CCDC88B: variants seen among roughly 807,000 people sequenced by gnomAD.
CCDC88B encodes the protein coiled-coil and HOOK domain protein 88B.
CCDC88B carries 138 observed loss-of-function variants against 183.7 expected under a neutral mutation model. The observed-to-expected ratio is 0.75, with a 90% CI of 0.65 to 0.87. CCDC88B has a LOEUF of 0.87. Among genes scored for constraint, CCDC88B ranks in the 40% least tolerant of loss-of-function variants. The pLI is 0.00. For missense variants in CCDC88B, 1,822 were observed against 1,965.6 expected (o/e 0.93, Z 1.38); for synonymous variants, 835 against 867.5 (o/e 0.96, Z 0.66).
At position 64,342,585 on chromosome 11, in the gene CCDC88B, C is replaced by A; in HGVS notation, c.967C>A (p.Arg323=). 6.5e-7 allele frequency: 1 copy of A among 1,531,096 alleles called. No homozygotes were observed. Among genetic ancestry groups the A allele is most frequent in the Non-Finnish European group, 8.7e-7 (1 of 1,145,226 alleles). 94.8% of individuals were successfully genotyped at this position (1,531,096 alleles called of 1,614,324 possible). A position where few individuals can be genotyped will look rare whatever the true frequency, so the allele number is the denominator to read the frequency against. Residue 323 remains arginine, a synonymous_variant, in exon 10 of 27, where the codon CGG becomes AGG. Transcript: ENST00000356786. ...ELYREEAEAL[R]ERAGRLPRLQ... is the part of the protein sequence containing the mutation. ...GTACCGCGAGGAGGCAGAGGCGCTG[C>A]GGGAGCGGGCCGGCCGCCTGCCCCG... is the stretch of plus-strand genomic sequence containing the variant.
At chr11:64,346,431 G>A (rs1158811974) in intron 14 of CCDC88B, among the ~76,000 whole-genome samples, 1 of 150,408 alleles carries the variant, frequency 6.6e-6, no homozygotes, top group African/African-American at 2.4e-5. Context: ...ACCACGCCTG[G>A]CTACTTTTTG....
chr11:64,353,477 C>G lies in CCDC88B; in HGVS notation c.3814C>G (p.Arg1272Gly). 1 of 1,611,944 alleles carries G rather than the reference C, an allele frequency of 6.2e-7. No homozygotes were observed. The highest frequency in any genetic ancestry group is 8.5e-7 in the Non-Finnish European group (1 of 1,179,838). Residue 1272 changes from arginine (R) to glycine (G), a missense_variant, in exon 22 of 27, where the codon CGC becomes GGC. Physicochemically the swap from Arg to Gly is moderately radical, Grantham distance 125. Coordinates refer to ENST00000356786, the MANE Select transcript of CCDC88B (RefSeq NM_032251.6). ...RSLESRDHLH[R>G]EQREYLDQLN... ...CCTGGAGAGTCGGGACCACCTGCACCGCGAACAGCGGGAGTACCTGTGAGT... is the reference window on the plus strand; with the variant it reads ...CCTGGAGAGTCGGGACCACCTGCACGGCGAACAGCGGGAGTACCTGTGAGT...
intron 22 of CCDC88B, 25 bp from the exon 23 acceptor site, chr11:64,353,690 A>T (rs924525415): frequency 1.2e-6 from 2 of 1,612,428 alleles, no homozygotes; most frequent in Non-Finnish European, 8.5e-7. Context: ...CCTCACACCC[A>T]CCTCTCCCTT....
chr11:64,345,321 G>A (rs533836574), intron 14 of CCDC88B, among the ~76,000 whole-genome samples, 164 bp downstream of exon 14: 31 of 152,272 alleles, frequency 2.0e-4, no homozygotes, highest in Non-Finnish European at 3.7e-4. Context: ...TGCCTGGCCT[G>A]GGGCACAGAG....
chr11:64,344,327 T>A lies in CCDC88B; in HGVS notation c.1786T>A (p.Ser596Thr). 1 of 1,612,852 alleles carries A rather than the reference T, an allele frequency of 6.2e-7. No individual in the cohort carries two copies. Among genetic ancestry groups the A allele is most frequent in the Non-Finnish European group, 8.5e-7 (1 of 1,179,624 alleles). The change falls in exon 14 of 27, where the codon TCC becomes ACC. Residue 596 changes from serine (S) to threonine (T), a missense_variant. Transcript: ENST00000356786. The surrounding 1 kb of genome is among the most constrained non-coding windows in gnomAD (Gnocchi z 4.5). ...QESPEKAGRRSSLQSPASVAP... is the reference protein window; with the variant it reads ...QESPEKAGRRTSLQSPASVAP... Reference sequence around the variant, plus strand: ...GTCCCCGGAGAAGGCTGGCCGTAGATCCTCTCTCCAGAGCCCTGCCTCTGT... The same window carrying A: ...GTCCCCGGAGAAGGCTGGCCGTAGAACCTCTCTCCAGAGCCCTGCCTCTGT...
intron 26 of CCDC88B, chr11:64,356,800 C>T (rs375213038): frequency 7.7e-6 from 4 of 521,572 alleles, no homozygotes; most frequent in African/African-American, 5.7e-5. Flanking sequence ...TGGGGTGGGC[C>T]TCAGAGAGGA....
At position 64,340,647 on chromosome 11, in the gene CCDC88B, C is replaced by T. The variant is rs1210838474; in HGVS notation, c.101C>T (p.Ser34Leu). The T allele has an allele frequency of 1.9e-6, 3 of 1,610,940 alleles. No individual in the cohort carries two copies. Among genetic ancestry groups the T allele is most frequent in the South Asian group, 2.2e-5 (2 of 91,052 alleles). ...LAGLVGEAED[S>L]EGEEEEEEEE... ...GGGCTGGTCGGGGAGGCGGAGGACT[C>T]GGAGGGGGAAGAAGAGGAAGAGGAG... The change falls in exon 2 of 27, where the codon TCG becomes TTG. Residue 34 changes from serine to leucine, a missense_variant. Ser to Leu is a moderately radical substitution (Grantham distance 145). Coordinates refer to ENST00000356786, the MANE Select transcript of CCDC88B (RefSeq NM_032251.6).
In CCDC88B at chr11:64,349,610, A is replaced by T. The variant is rs1383380303; in HGVS notation, c.2804A>T (p.Glu935Val). The T allele has an allele frequency of 6.2e-7, 1 of 1,601,706 alleles. No homozygotes were observed. The highest frequency in any genetic ancestry group is 1.7e-5 in the Admixed American group (1 of 57,982). ...CTGCAGGCGGCGGCGACCAGCAAGG[A>T]GGAGGCGCTGATGGAGCTCAAGACC... ...AELQAAATSKEEALMELKTRA... is the reference protein window; with the variant it reads ...AELQAAATSKVEALMELKTRA... Residue 935 changes from glutamate (E) to valine (V), a missense_variant, in exon 16 of 27, where the codon GAG (glutamate) becomes GTG (valine). Coordinates refer to ENST00000356786, the MANE Select transcript of CCDC88B (RefSeq NM_032251.6).
At chr11:64,346,396 G>C (rs2036104926) in intron 14 of CCDC88B, among the ~76,000 whole-genome samples, 1 of 152,072 alleles carries the variant, frequency 6.6e-6, no homozygotes, top group Non-Finnish European at 1.5e-5. Flanking sequence ...AGCCTCCTGA[G>C]TAGCTGGGAG....
At chr11:64,347,789 A>T (rs1335378340) in intron 14 of CCDC88B, among the ~76,000 whole-genome samples, 1 of 152,072 alleles carries the variant, frequency 6.6e-6, no homozygotes, top group African/African-American at 2.4e-5. Flanking sequence ...AGTGGCTCAC[A>T]CCTGTAATCC....
At chr11:64,355,715 C>T in intron 26 of CCDC88B, 87 bp downstream of exon 26, 1 of 1,302,936 alleles carries the variant, frequency 7.7e-7, no homozygotes, top group South Asian at 1.5e-5. Context: ...TTTCATTCGA[C>T]AATGATCCTT....
chr11:64,342,491 G>T (rs768198317), intron 9 of CCDC88B, 31 bp from the exon 10 acceptor site: 2 of 1,528,076 alleles, frequency 1.3e-6, no homozygotes, highest in South Asian at 2.4e-5. Flanking sequence ...CCCGCGGCTG[G>T]CTGTTCCCAG....
In CCDC88B at chr11:64,342,124, G is replaced by T. The variant is rs1277104835; in HGVS notation, c.806G>T (p.Arg269Leu). ...GCCAACGCCAAGGCTCAGCTGCGGC[G>T]TCTGCGGCAGGAGCTGTGAGTGTGC... Reference protein sequence around the residue: ...QLANAKAQLRRLRQELEEKAE... With the variant: ...QLANAKAQLRLLRQELEEKAE... Residue 269 changes from arginine (R) to leucine (L), a missense_variant, in exon 8 of 27, where the codon CGT becomes CTT. Physicochemically the swap from Arg to Leu is moderately radical, Grantham distance 102. Coordinates refer to ENST00000356786, the MANE Select transcript of CCDC88B (RefSeq NM_032251.6). The T allele has an allele frequency of 1.2e-6, 2 of 1,609,498 alleles. No individual in the cohort carries two copies. The highest frequency in any genetic ancestry group is 8.5e-7 in the Non-Finnish European group (1 of 1,178,792).
At position 64,345,113 on chromosome 11, in the gene CCDC88B, G is replaced by GAGGAGGCTGAGAGGGAGCGCCGGGAGA; in HGVS notation, c.2580_2606dup (p.Glu861_Ala869dup). 6.4e-7 allele frequency: 1 copy of GAGGAGGCTGAGAGGGAGCGCCGGGAGA among 1,550,618 alleles called. No homozygotes were observed. The highest frequency in any genetic ancestry group is 8.7e-7 in the Non-Finnish European group (1 of 1,152,122). On this transcript the variant is annotated inframe_insertion, in exon 14 of 27. Coordinates refer to ENST00000356786, the MANE Select transcript of CCDC88B (RefSeq NM_032251.6). ...GGAGAGCGAGGGCCGCCAGCACTTG[G>GAGGAGGCTGAGAGGGAGCGCCGGGAGA]AGGAGGCTGAGAGGGAGCGCCGGGA...
At chr11:64,342,997 A>T (rs1482553856) in intron 10 of CCDC88B, among the ~76,000 whole-genome samples, 182 bp from the exon 11 acceptor site, 3 of 144,524 alleles carry the variant, frequency 2.1e-5, no homozygotes, top group East Asian at 4.3e-4. Flanking sequence ...GGGAGAAAGT[A>T]CCTGAAGAGA....
In CCDC88B at chr11:64,340,669, G is replaced by T. The variant is rs2035798152; in HGVS notation, c.123G>T (p.Glu41Asp). The T allele has an allele frequency of 6.2e-7, 1 of 1,612,122 alleles. No individual in the cohort carries two copies. The highest frequency in any genetic ancestry group is 1.3e-5 in the African/African-American group (1 of 74,898). Reference protein sequence around the residue: ...AEDSEGEEEEEEEEPPLWLEK... With the variant: ...AEDSEGEEEEDEEEPPLWLEK... ...ACTCGGAGGGGGAAGAAGAGGAAGAGGAGGAAGAGCCGCCCCTTTGGTTGG... is the reference window on the plus strand; with the variant it reads ...ACTCGGAGGGGGAAGAAGAGGAAGATGAGGAAGAGCCGCCCCTTTGGTTGG... The change falls in exon 2 of 27, where the codon GAG becomes GAT. Residue 41 changes from glutamate (E) to aspartate (D), a missense_variant. Physicochemically the swap from Glu to Asp is conservative, Grantham distance 45. Coordinates refer to ENST00000356786, the MANE Select transcript of CCDC88B (RefSeq NM_032251.6).
rs756154661 is a variant in CCDC88B, at chr11:64,341,415, C to T, written c.448-6C>T. On this transcript the variant is annotated splice_region_variant and splice_polypyrimidine_tract_variant and intron_variant, in intron 5 of 26. Transcript: ENST00000356786. ...TGCACCAGCTCCCCTTCCTGTCTCCCCTCAGTGTGAGCACCGGGAACTCTT... is the reference window on the plus strand; with the variant it reads ...TGCACCAGCTCCCCTTCCTGTCTCCTCTCAGTGTGAGCACCGGGAACTCTT... 1.2e-6 allele frequency: 2 copies of T among 1,614,030 alleles called. No homozygotes were observed. Among genetic ancestry groups the T allele is most frequent in the Admixed American group, 1.7e-5 (1 of 60,022 alleles).
intron 7 of CCDC88B, 86 bp from the exon 8 acceptor site, chr11:64,341,908 C>A: frequency 1.5e-6 from 1 of 662,102 alleles, no homozygotes; most frequent in Non-Finnish European, 2.2e-6. Context: ...CCCCAGACCA[C>A]AACCCCATGT....
intron 14 of CCDC88B, among the ~76,000 whole-genome samples, chr11:64,347,815 C>T (rs1565051184): frequency 6.6e-6 from 1 of 152,154 alleles, no homozygotes; most frequent in Non-Finnish European, 1.5e-5. Flanking sequence ...CTTCGGGAGG[C>T]TGAGGTGGGC....
Sources: allele counts gnomAD v4.1 joint callset (sites outside exome capture counted in the v4.1 genomes callset), GRCh38; gene constraint gnomAD v4.1.1; non-coding constraint Gnocchi (gnomAD v3.1); transcripts MANE v1.5; gene names NCBI Gene and HGNC (gene_info 2026-07-23, HGNC 2026-07-21).